SUGCT: variants seen among roughly 807,000 people sequenced by gnomAD.
SUGCT encodes succinyl-CoA:glutarate CoA-transferase.
SUGCT carries 41 observed loss-of-function variants against 55.0 expected under a neutral mutation model. The observed-to-expected ratio is 0.74, with a 90% CI of 0.58 to 0.97. SUGCT has a LOEUF of 0.97. Among genes scored for constraint, SUGCT ranks in the 50% least tolerant of loss-of-function variants. SUGCT has a pLI of 0.00. For synonymous variants in SUGCT, 187 were observed against 200.4 expected, an observed-to-expected ratio of 0.93 and a Z score of 0.56; for missense variants, 568 against 547.8, an observed-to-expected ratio of 1.04 and a Z score of -0.37.
At chr7:40,506,491 C>T (rs1404273614) in intron 12 of SUGCT, among the ~76,000 whole-genome samples, 1 of 152,112 alleles carries the variant, frequency 6.6e-6, no homozygotes, top group Non-Finnish European at 1.5e-5. Flanking sequence ...GTTCTATTAA[C>T]AGTTAATCTA....
chr7:41,038,021 T>A, the SUGCT span, among the ~76,000 whole-genome samples: 1 of 152,178 alleles, frequency 6.6e-6, no homozygotes, highest in South Asian at 2.1e-4. Context: ...ATACACACCC[T>A]GCAAGCGGGG....
intron 12 of SUGCT, among the ~76,000 whole-genome samples, chr7:40,723,015 G>A (rs186910574): frequency 8.5e-5 from 13 of 152,208 alleles, no homozygotes; most frequent in African/African-American, 3.1e-4. Flanking sequence ...AATACAGAAA[G>A]CAAACTGGCA....
At chr7:40,602,098 A>G (rs577147945) in intron 12 of SUGCT, among the ~76,000 whole-genome samples, 14 of 152,190 alleles carry the variant, frequency 9.2e-5, no homozygotes, top group Non-Finnish European at 1.6e-4. Flanking sequence ...AACTCTGTTG[A>G]GTGAAATAGA....
the SUGCT span, among the ~76,000 whole-genome samples, chr7:40,911,918 G>A: frequency 1.3e-5 from 2 of 152,144 alleles, no homozygotes. Context: ...ACGCGTGTGT[G>A]TGCACAGGTG....
At position 40,510,615 on chromosome 7, in the gene SUGCT, A is replaced by G. The variant is rs1288216614; in HGVS notation, c.1089+14229A>G. On this transcript the variant is annotated intron_variant, in intron 12 of 13. Transcript: ENST00000335693. ...TATTAAGTAAGGAAGTTTTCACAAA[A>G]TGATAGGAACATGACAGAAGTACAA... is the stretch of plus-strand genomic sequence containing the variant. Among the ~76,000 whole-genome samples, 8 of 152,320 alleles carry G rather than the reference A, an allele frequency of 5.3e-5. No homozygotes were observed. In the East Asian group the frequency reaches 7.7e-4, roughly 15 times the overall value.
chr7:40,870,732 GATTT>G, the SUGCT span, among the ~76,000 whole-genome samples: 3 of 152,122 alleles, frequency 2.0e-5, no homozygotes, highest in South Asian at 6.2e-4. Context: ...CCTGTTTTTA[GATTT>G]ATTAACTGTA....
chr7:41,012,764 TA>T, the SUGCT span, among the ~76,000 whole-genome samples: 29 of 146,480 alleles, frequency 2.0e-4, no homozygotes, highest in African/African-American at 2.2e-4. Context: ...CCAGAGAAAC[TA>T]AAAAAAAAAA....
chr7:40,574,773 T>C (rs1036696003), intron 12 of SUGCT, among the ~76,000 whole-genome samples: 2 of 152,216 alleles, frequency 1.3e-5, no homozygotes, highest in Non-Finnish European at 2.9e-5. Context: ...TGAATCAGCT[T>C]CCTACTTTTT....
chr7:40,891,499 G>T, the SUGCT span, among the ~76,000 whole-genome samples: 1 of 152,076 alleles, frequency 6.6e-6, no homozygotes. Flanking sequence ...GAGAAAGTGA[G>T]ATGATATATA....
chr7:40,959,727 A>C, the SUGCT span, among the ~76,000 whole-genome samples: 49,037 of 151,500 alleles, frequency 0.32, 8,745 homozygotes, highest in Admixed American at 0.44. Flanking sequence ...AAAAAAAAAA[A>C]AAACTCCTAC....
intron 11 of SUGCT, among the ~76,000 whole-genome samples, chr7:40,469,190 C>G (rs1249896543): frequency 6.6e-6 from 1 of 152,006 alleles, no homozygotes; most frequent in Admixed American, 6.6e-5. Context: ...TTTTTTCTGA[C>G]TTCTATTAAT....
At chr7:40,598,230 C>G (rs1798117933) in intron 12 of SUGCT, among the ~76,000 whole-genome samples, 1 of 151,180 alleles carries the variant, frequency 6.6e-6, no homozygotes, top group Non-Finnish European at 1.5e-5. Context: ...AACCACAGCA[C>G]TCAATATACT....
At chr7:40,469,379 G>C (rs145931833) in intron 11 of SUGCT, among the ~76,000 whole-genome samples, 1 of 152,286 alleles carries the variant, frequency 6.6e-6, no homozygotes, top group East Asian at 1.9e-4. Context: ...GTTTTCTTAT[G>C]CATTCCTTGG....
chr7:40,354,967 T>C (rs891922110), intron 9 of SUGCT, among the ~76,000 whole-genome samples: 8 of 152,316 alleles, frequency 5.3e-5, no homozygotes, highest in Admixed American at 5.2e-4. Flanking sequence ...TTTCTTACAT[T>C]GACTCAGATT....
intron 1 of SUGCT, among the ~76,000 whole-genome samples, chr7:40,136,494 G>C (rs1457528726): frequency 6.6e-6 from 1 of 152,162 alleles, no homozygotes; most frequent in Non-Finnish European, 1.5e-5. Flanking sequence ...GACACACACA[G>C]ACAGTTTTTT....
chr7:40,321,325 C>T (rs1795731604), intron 9 of SUGCT, among the ~76,000 whole-genome samples: 1 of 152,122 alleles, frequency 6.6e-6, no homozygotes, highest in African/African-American at 2.4e-5. Flanking sequence ...AATCTGCCCA[C>T]CTCGGCCTCC....
chr7:40,354,541 G>T (rs1427739435), intron 9 of SUGCT, among the ~76,000 whole-genome samples: 3 of 152,196 alleles, frequency 2.0e-5, no homozygotes, highest in African/African-American at 7.2e-5. Context: ...TTTCTTCCCA[G>T]AGGTGAAATC....
the SUGCT span, among the ~76,000 whole-genome samples, chr7:40,937,926 A>G: frequency 6.6e-6 from 1 of 152,224 alleles, no homozygotes; most frequent in Non-Finnish European, 1.5e-5. Context: ...ACCTCAGATC[A>G]TCAGGCATTA....
chr7:40,974,203 C>T, the SUGCT span, among the ~76,000 whole-genome samples: 4 of 152,108 alleles, frequency 2.6e-5, no homozygotes, highest in Non-Finnish European at 5.9e-5. Context: ...CATAGGGTGC[C>T]CTTTGAGTGA....
Sources: allele counts gnomAD v4.1 joint callset (sites outside exome capture counted in the v4.1 genomes callset), GRCh38; gene constraint gnomAD v4.1.1; transcripts MANE v1.5; gene names NCBI Gene and HGNC (gene_info 2026-07-23, HGNC 2026-07-21).